Variants in MRPL45 observed in about 807,000 individuals in gnomAD.
MRPL45 encodes large ribosomal subunit protein mL45.
Under a neutral mutation model 38.1 loss-of-function variants are expected in MRPL45, and 20 were observed. That is an observed-to-expected ratio of 0.53 (90% confidence interval 0.37 to 0.76). The LOEUF is 0.76. Ranked by LOEUF, MRPL45 falls within the 30% of genes least tolerant of loss-of-function variation. MRPL45 has a pLI of 0.00. For missense variants in MRPL45, 337 were observed against 395.6 expected, an observed-to-expected ratio of 0.85 and a Z score of 1.26; for synonymous variants, 105 against 128.8, an observed-to-expected ratio of 0.82 and a Z score of 1.25.
At chr17:38,303,448 C>T (rs2037019504) in intron 3 of MRPL45, among the ~76,000 whole-genome samples, 1 of 151,556 alleles carries the variant, frequency 6.6e-6, no homozygotes, top group East Asian at 1.9e-4. Flanking sequence ...CAGGTGTGTG[C>T]CACCACACCT....
chr17:38,300,373 A>G (rs2036981543), intron 3 of MRPL45, among the ~76,000 whole-genome samples: 1 of 152,076 alleles, frequency 6.6e-6, no homozygotes, highest in Admixed American at 6.6e-5. Flanking sequence ...TATGTTGCCC[A>G]GGCTGGTCTC....
chr17:38,320,314 T>C (rs1597656989), intron 5 of MRPL45, among the ~76,000 whole-genome samples: 2 of 152,104 alleles, frequency 1.3e-5, no homozygotes, highest in East Asian at 3.9e-4. Context: ...ATGGGAGGGA[T>C]GTTGGTGTAT....
intron 5 of MRPL45, 77 bp downstream of exon 5, chr17:38,318,812 CTTTTCTTTTCTTTTCTTTTTT>C (rs1371476201): frequency 1.6e-4 from 129 of 823,212 alleles, no homozygotes; most frequent in Non-Finnish European, 2.2e-4. Context: ...TTTTTCTTTT[CTTTTCTTTTCTTTTCTTTTTT>C]TTTTTTTTTT....
Position 38,313,346 on chromosome 17 carries a change from ACG to A in MRPL45, c.462-5340_462-5339del, listed in dbSNP as rs1386228046. On this transcript the variant is annotated intron_variant, in intron 4 of 7. Coordinates refer to ENST00000613675, the MANE Select transcript of MRPL45 (RefSeq NM_032351.6). ...TATATATATATACATATATATATAT[ACG>A]TATATATATATATATATACGTATAT... 5.7e-3 allele frequency among the ~76,000 whole-genome samples: 108 copies of A among 18,976 alleles called. 2 individuals are homozygous for A. The highest frequency in any genetic ancestry group is 0.022 in the African/African-American group (99 of 4,490). The allele number at this position is 18,976 out of a possible 152,430, so 12.4% of individuals were successfully genotyped here. A position where few individuals can be genotyped will look rare whatever the true frequency, so the allele number is the denominator to read the frequency against.
chr17:38,304,078 C>T (rs753359431), intron 3 of MRPL45, among the ~76,000 whole-genome samples: 5 of 152,186 alleles, frequency 3.3e-5, no homozygotes, highest in Non-Finnish European at 7.3e-5. Flanking sequence ...TAAATAAGAT[C>T]TTGCAAGTCT....
intron 4 of MRPL45, among the ~76,000 whole-genome samples, chr17:38,313,379 TATATAC>T (rs1433746567): frequency 2.5e-3 from 55 of 21,684 alleles, no homozygotes; most frequent in African/African-American, 8.3e-3. Context: ...TATATATATA[TATATAC>T]ATATATATAT....
intron 3 of MRPL45, among the ~76,000 whole-genome samples, chr17:38,305,797 C>G (rs1365788043): frequency 2.0e-5 from 3 of 151,934 alleles, no homozygotes; most frequent in African/African-American, 7.2e-5. Flanking sequence ...TGTGCACCAC[C>G]ATGCCCAGCT....
At chr17:38,319,771 A>C (rs1451514263) in intron 5 of MRPL45, among the ~76,000 whole-genome samples, 1 of 152,168 alleles carries the variant, frequency 6.6e-6, no homozygotes, top group Admixed American at 6.5e-5. Flanking sequence ...AGGGATCCCC[A>C]AGGATAAGAA....
intron 6 of MRPL45, 117 bp downstream of exon 6, chr17:38,320,884 T>C: frequency 1.0e-6 from 1 of 961,126 alleles, no homozygotes; most frequent in Admixed American, 2.0e-5. Context: ...AGGTACACTG[T>C]GATCTGTCTT....
intron 4 of MRPL45, among the ~76,000 whole-genome samples, chr17:38,313,216 CT>C (rs1242356309): frequency 3.4e-5 from 5 of 148,366 alleles, no homozygotes; most frequent in African/African-American, 1.2e-4. Flanking sequence ...ATCTCCTGAC[CT>C]CGTGATCCAC....
intron 4 of MRPL45, among the ~76,000 whole-genome samples, chr17:38,313,009 G>A (rs1205251327): frequency 2.9e-5 from 3 of 104,372 alleles, no homozygotes; most frequent in African/African-American, 9.8e-5. Flanking sequence ...TTTTGAGATG[G>A]AGTCTCGCTC....
chr17:38,318,839 T>G (rs1217621877), intron 5 of MRPL45, 104 bp downstream of exon 5: 2 of 643,536 alleles, frequency 3.1e-6, no homozygotes. Flanking sequence ...TTTTTTTTTT[T>G]TTTTTGAGAC....
At chr17:38,322,010 C>T (rs1465122991) in intron 6 of MRPL45, 116 bp from the exon 7 acceptor site, 1 of 1,045,494 alleles carries the variant, frequency 9.6e-7, no homozygotes, top group East Asian at 2.4e-5. Flanking sequence ...CCAGCCAGGG[C>T]AACAGAGTGA....
intron 3 of MRPL45, among the ~76,000 whole-genome samples, chr17:38,301,972 C>G (rs1331081953): frequency 6.6e-6 from 1 of 151,916 alleles, no homozygotes; most frequent in Non-Finnish European, 1.5e-5. Context: ...AAAAAATTAG[C>G]CAGGTGCGGT....
At chr17:38,316,654 C>CA (rs1314934465) in intron 4 of MRPL45, among the ~76,000 whole-genome samples, 2 of 117,396 alleles carry the variant, frequency 1.7e-5, no homozygotes, top group South Asian at 3.1e-4. Context: ...ACTAAAAATA[C>CA]AAAAAAAGCT....
At chr17:38,308,067 T>C (rs528624668) in intron 4 of MRPL45, among the ~76,000 whole-genome samples, 93 of 152,094 alleles carry the variant, frequency 6.1e-4, no homozygotes, top group African/African-American at 2.2e-3. Context: ...CACCACACCC[T>C]GCTAGTTTTC....
intron 7 of MRPL45, 69 bp downstream of exon 7, chr17:38,322,368 C>A: frequency 6.4e-7 from 1 of 1,554,560 alleles, no homozygotes; most frequent in Non-Finnish European, 8.8e-7. Flanking sequence ...CTCTGTCGGG[C>A]TCCACCTAGT....
chr17:38,316,883 C>A (rs372417563), intron 4 of MRPL45, among the ~76,000 whole-genome samples: 79 of 152,054 alleles, frequency 5.2e-4, no homozygotes, highest in African/African-American at 1.7e-3. Context: ...CTGCAACCTC[C>A]ACCTCCCAGG....
chr17:38,322,767 G>A lies in MRPL45; in HGVS notation c.*172G>A, dbSNP rs1294991622. 41 of 589,168 alleles carry A rather than the reference G, an allele frequency of 7.0e-5. No individual in the cohort carries two copies. The highest frequency in any genetic ancestry group is 1.1e-4 in the Non-Finnish European group (36 of 334,568). The allele number at this position is 589,168 out of a possible 1,614,324, so 36.5% of individuals were successfully genotyped here. On this transcript the variant is annotated 3_prime_UTR_variant, in exon 8 of 8. Transcript: ENST00000613675. ...CATGACTGATGACTGGGCCCTAGCA[G>A]GTGGCAGGTATAACATGGCCATGGA...
Sources: gnomAD v4.1 joint callset for allele counts (sites outside exome capture counted in the v4.1 genomes callset) on GRCh38, gnomAD v4.1.1 for gene constraint, MANE v1.5 for transcripts, NCBI Gene and HGNC (gene_info 2026-07-23, HGNC 2026-07-21) for gene names.